Variants in POLA1 observed in about 807,000 individuals in gnomAD.
The protein encoded by POLA1 is DNA polymerase alpha 1, catalytic subunit, also known as DNA polymerase alpha catalytic subunit.
A neutral mutation model predicts 124.0 loss-of-function variants in POLA1; 15 were observed. That is an observed-to-expected ratio of 0.12 (90% CI 0.08 to 0.19). POLA1 has a LOEUF of 0.19. Among genes scored for constraint, POLA1 ranks in the 10% least tolerant of loss-of-function variants. The pLI is 1.00. For missense variants in POLA1, 886 were observed against 1,103.4 expected, an observed-to-expected ratio of 0.80 and a Z score of 2.79; for synonymous variants, 408 against 389.4, an observed-to-expected ratio of 1.05 and a Z score of -0.56.
At chrX:24,881,893 A>G (rs1176718557) in intron 34 of POLA1, among the ~76,000 whole-genome samples, 4 of 111,676 alleles carry the variant, frequency 3.6e-5, no homozygotes, top group Non-Finnish European at 7.5e-5. Context: ...CTGATTGGGC[A>G]GTAAGTTTGT....
intron 34 of POLA1, among the ~76,000 whole-genome samples, chrX:24,871,081 G>T (rs1202133879): frequency 9.0e-6 from 1 of 111,652 alleles, no homozygotes; most frequent in Non-Finnish European, 1.9e-5. Context: ...AACAACTAAT[G>T]ATTGATACAT....
At position 24,733,897 on chromosome X, in the gene POLA1, G is replaced by A. The variant is rs1048907403; in HGVS notation, c.1833+81G>A. The A allele has an allele frequency of 4.0e-5, 21 of 530,307 alleles. No individual in the cohort carries two copies. In the African/African-American group the frequency reaches 4.9e-4, roughly 12 times the overall value. The allele number at this position is 530,307 out of a possible 1,213,427, so 43.7% of individuals were successfully genotyped here. A position where few individuals can be genotyped will look rare whatever the true frequency, so the allele number is the denominator to read the frequency against. ...GGTGGTATGGACTAGTAGAAAAAAG[G>A]TGTTTTATATTTTATTAGATTCATT... On this transcript the variant is annotated intron_variant, in intron 17 of 36. Coordinates refer to ENST00000379068, the MANE Select transcript of POLA1 (RefSeq NM_001330360.2).
chrX:24,881,586 A>G (rs996802237), intron 34 of POLA1, among the ~76,000 whole-genome samples: 3 of 111,706 alleles, frequency 2.7e-5, no homozygotes, highest in Non-Finnish European at 5.6e-5. Flanking sequence ...CCTTTGTGGT[A>G]GAGACTGGGG....
intron 32 of POLA1, among the ~76,000 whole-genome samples, chrX:24,839,316 A>G (rs754988938): frequency 4.5e-5 from 5 of 112,275 alleles, no homozygotes; most frequent in Non-Finnish European, 9.4e-5. Flanking sequence ...CACCTTGGGA[A>G]TAAATCTGAA....
intron 36 of POLA1, among the ~76,000 whole-genome samples, chrX:24,970,961 C>T (rs1239134660): frequency 8.9e-6 from 1 of 112,493 alleles, no homozygotes; most frequent in Non-Finnish European, 1.9e-5. Context: ...TTGAGCTTCA[C>T]ACGCAGCATC....
At chrX:24,917,870 A>C (rs2047555862) in intron 35 of POLA1, among the ~76,000 whole-genome samples, 1 of 111,881 alleles carries the variant, frequency 8.9e-6, no homozygotes, top group Admixed American at 9.5e-5. Context: ...TTGAGGGCTT[A>C]CCATGTGCCA....
In POLA1 at chrX:24,788,523, C is replaced by T. The variant is rs545605125; in HGVS notation, c.2965-21375C>T. On this transcript the variant is annotated intron_variant, in intron 26 of 36. Coordinates refer to ENST00000379068, the MANE Select transcript of POLA1 (RefSeq NM_001330360.2). Reference sequence around the variant, plus strand: ...CACTGTATTTGAAGTTTCTTAATTCCGTATCCCACTGGAACTAGTTTAGAT... The same window carrying T: ...CACTGTATTTGAAGTTTCTTAATTCTGTATCCCACTGGAACTAGTTTAGAT... The T allele has an allele frequency of 2.3e-4, 269 of 1,193,151 alleles. No individual in the cohort carries two copies. The East Asian group carries it at 3.7e-3, about 17-fold the overall frequency.
At chrX:24,876,846 C>G (rs1162344965) in intron 34 of POLA1, among the ~76,000 whole-genome samples, 1 of 111,575 alleles carries the variant, frequency 9.0e-6, no homozygotes. Context: ...ATTTTCTTCT[C>G]TTTTGAGACA....
chrX:24,919,326 A>G (rs2047578248), intron 35 of POLA1, among the ~76,000 whole-genome samples: 1 of 111,907 alleles, frequency 8.9e-6, no homozygotes, highest in African/African-American at 3.2e-5. Flanking sequence ...CATAGCTAAT[A>G]AATAGTTATA....
chrX:24,800,021 A>G (rs1048497913), intron 26 of POLA1, among the ~76,000 whole-genome samples: 5 of 111,598 alleles, frequency 4.5e-5, no homozygotes, highest in Non-Finnish European at 7.5e-5. Flanking sequence ...CCGTGTCTTA[A>G]TTAGCCCCCC....
chrX:24,761,674 A>G (rs191713843), intron 26 of POLA1, among the ~76,000 whole-genome samples: 1 of 112,124 alleles, frequency 8.9e-6, no homozygotes, highest in East Asian at 2.8e-4. Context: ...TTCTTCTTTA[A>G]TGATGTCCTG....
intron 26 of POLA1, among the ~76,000 whole-genome samples, chrX:24,761,422 G>A (rs966868641): frequency 9.0e-6 from 1 of 111,257 alleles, no homozygotes; most frequent in African/African-American, 3.3e-5. Context: ...AACCACAGAC[G>A]ACATTTTCAG....
chrX:24,983,324 C>T (rs1441469540), intron 36 of POLA1, among the ~76,000 whole-genome samples: 2 of 112,407 alleles, frequency 1.8e-5, no homozygotes, highest in Admixed American at 9.4e-5. Flanking sequence ...GTTTTCCTCT[C>T]CAGCTAGAAT....
At chrX:24,960,275 C>T (rs1475687685) in intron 36 of POLA1, among the ~76,000 whole-genome samples, 1 of 112,062 alleles carries the variant, frequency 8.9e-6, no homozygotes. Flanking sequence ...ATCAATTCTA[C>T]ATTCATGCTA....
chrX:24,860,714 A>G, intron 34 of POLA1, among the ~76,000 whole-genome samples: 1 of 112,766 alleles, frequency 8.9e-6, no homozygotes, highest in Middle Eastern at 4.6e-3. Context: ...ATCACTAGCC[A>G]TTGATAGAAG....
chrX:24,967,517 C>T (rs2048237099), intron 36 of POLA1, among the ~76,000 whole-genome samples: 1 of 109,705 alleles, frequency 9.1e-6, no homozygotes, highest in African/African-American at 3.3e-5. Flanking sequence ...AAAATTTAGC[C>T]AGTTGCAGTC....
chrX:24,836,662 G>C (rs1344931161), intron 32 of POLA1, among the ~76,000 whole-genome samples: 1 of 111,778 alleles, frequency 8.9e-6, no homozygotes, highest in Non-Finnish European at 1.9e-5. Flanking sequence ...GCCTGTTCAA[G>C]TCTTTGTCTG....
chrX:24,908,344 C>T (rs1478163032), intron 35 of POLA1, among the ~76,000 whole-genome samples: 2 of 107,799 alleles, frequency 1.9e-5, no homozygotes, highest in Non-Finnish European at 3.8e-5. Flanking sequence ...CCCATTAACT[C>T]ATCATTTTAC....
chrX:24,790,072 G>T (rs1038300718), intron 26 of POLA1, among the ~76,000 whole-genome samples: 2 of 112,062 alleles, frequency 1.8e-5, no homozygotes, highest in African/African-American at 6.5e-5. Flanking sequence ...CAGATAATTA[G>T]AATTATTTCT....
Sources: allele counts gnomAD v4.1 joint callset (sites outside exome capture counted in the v4.1 genomes callset), GRCh38; gene constraint gnomAD v4.1.1; transcripts MANE v1.5; gene names NCBI Gene and HGNC (gene_info 2026-07-23, HGNC 2026-07-21).